The following NTN4 variants were observed in gnomAD, a reference collection of about 807,000 sequenced individuals.
The protein encoded by NTN4 is netrin-4.
NTN4 carries 32 observed loss-of-function variants against 73.6 expected under a neutral mutation model. That is an observed-to-expected ratio of 0.44 (90% CI 0.33 to 0.58). The LOEUF (loss-of-function observed/expected upper bound fraction) is 0.58, where lower values mean the gene tolerates loss of function less well. NTN4 is among the 20% of genes least tolerant of loss of function. The probability of loss-of-function intolerance (pLI) is 0.04; values close to 1 mark genes in which losing one functional copy is unlikely to be tolerated. For missense variants in NTN4, 654 were observed against 798.3 expected, an observed-to-expected ratio of 0.82 and a Z score of 2.18; for synonymous variants, 258 against 287.5, an observed-to-expected ratio of 0.90 and a Z score of 1.04.
At chr12:95,671,377 G>A (rs2078228942) in intron 7 of NTN4, among the ~76,000 whole-genome samples, 4 of 152,074 alleles carry the variant, frequency 2.6e-5, no homozygotes, top group South Asian at 2.1e-4. Flanking sequence ...GTTAGGAACC[G>A]GGTCACACAG....
At chr12:95,754,128 C>T (rs948489876) in intron 2 of NTN4, among the ~76,000 whole-genome samples, 1 of 152,184 alleles carries the variant, frequency 6.6e-6, no homozygotes, top group Non-Finnish European at 1.5e-5. Context: ...CCTAGGTCCT[C>T]CCAATTCTTA....
At chr12:95,671,455 A>G (rs1367106433) in intron 7 of NTN4, among the ~76,000 whole-genome samples, 3 of 152,008 alleles carry the variant, frequency 2.0e-5, no homozygotes, top group Non-Finnish European at 4.4e-5. Context: ...CATCACTCAA[A>G]TTACCGCCTG....
Position 95,680,736 on chromosome 12 carries a change from T to G in NTN4, c.1510+1971A>C, listed in dbSNP as rs150725004. ...TTATTTACATTTCAGAGATGGGCTC[T>G]TTCTATGTTGTCCCAGAGTTCAGTG... On this transcript the variant is annotated intron_variant, in intron 7 of 9. Transcript: ENST00000343702. Among the ~76,000 whole-genome samples the G allele has an allele frequency of 2.7e-3, 412 of 152,296 alleles. 1 individual carries two copies. The highest frequency in any genetic ancestry group is 9.1e-3 in the African/African-American group (378 of 41,564).
intron 7 of NTN4, chr12:95,673,401 T>G: frequency 4.3e-6 from 1 of 231,030 alleles, no homozygotes. Context: ...GGAACCATGC[T>G]AAGCCATGAC....
intron 1 of NTN4, among the ~76,000 whole-genome samples, chr12:95,788,724 T>A (rs573232039): frequency 6.6e-6 from 1 of 152,220 alleles, no homozygotes; most frequent in Non-Finnish European, 1.5e-5. Flanking sequence ...TCCTTAGGCA[T>A]TATTTTTTAA....
In NTN4 at chr12:95,781,661, C is replaced by A. The variant is rs951292644; in HGVS notation, c.585+5278G>T. Among the ~76,000 whole-genome samples the A allele has an allele frequency of 6.6e-6, 1 of 152,182 alleles. No homozygotes were observed. The highest frequency in any genetic ancestry group is 1.5e-5 in the Non-Finnish European group (1 of 68,036). Reference sequence around the variant, plus strand: ...GCTTGATTCTCTCATCTTACCATGTCATTTCTATTTCTCCATTTGTTTATG... The same window carrying A: ...GCTTGATTCTCTCATCTTACCATGTAATTTCTATTTCTCCATTTGTTTATG... On this transcript the variant is annotated intron_variant, in intron 2 of 9. Coordinates refer to ENST00000343702, the MANE Select transcript of NTN4 (RefSeq NM_021229.4). The surrounding 1 kb of genome is among the most constrained non-coding windows in gnomAD (Gnocchi z 4.1).
chr12:95,737,332 A>G (rs2078785799), intron 3 of NTN4, among the ~76,000 whole-genome samples: 2 of 152,214 alleles, frequency 1.3e-5, no homozygotes, highest in Admixed American at 1.3e-4. Context: ...GCAGAGAAGT[A>G]AAAATTCAGA....
intron 2 of NTN4, among the ~76,000 whole-genome samples, chr12:95,752,642 C>T (rs1398965586): frequency 7.2e-4 from 96 of 133,340 alleles, no homozygotes; most frequent in African/African-American, 1.4e-3. Context: ...CAATCGTGTC[C>T]GACTGATCTC....
In NTN4 at chr12:95,737,869, G is replaced by A; in HGVS notation, c.861C>T (p.His287=). Residue 287 remains histidine (H), a synonymous_variant, in exon 3 of 10, where the codon CAC becomes CAT. Transcript: ENST00000343702. ...GGGGAGGACTTGTTTCACCTACCAT[G>A]TGGAATGTTCCTGGGGCCTTGACAG... ...FRPVKAPGTF[H]MVHGKCMCKH... 1.2e-6 allele frequency: 2 copies of A among 1,606,886 alleles called. No individual in the cohort carries two copies. The highest frequency in any genetic ancestry group is 1.1e-5 in the South Asian group (1 of 90,432).
At chr12:95,709,451 G>A (rs12824729) in intron 5 of NTN4, among the ~76,000 whole-genome samples, 27,326 of 151,920 alleles carry the variant, frequency 0.18, 2,675 homozygotes, top group Non-Finnish European at 0.23. Flanking sequence ...CCTATGAATC[G>A]GATAGATCTT....
In NTN4 at chr12:95,672,846, A is replaced by G. The variant is rs147145241; in HGVS notation, c.1511-2700T>C. On this transcript the variant is annotated intron_variant, in intron 7 of 9. Coordinates refer to ENST00000343702, the MANE Select transcript of NTN4 (RefSeq NM_021229.4). ...CCCAGATCAAGGAAGGGAAATGGGT[A>G]CTGATTGCAGCCCATGGCAACAGCC... is the stretch of plus-strand genomic sequence containing the variant. 132 of 1,380,376 alleles carry G rather than the reference A, an allele frequency of 9.6e-5. No homozygotes were observed. The East Asian group carries it at 2.5e-3, about 26-fold the overall frequency. The allele number at this position is 1,380,376 out of a possible 1,614,324, so 85.5% of individuals were successfully genotyped here.
intron 2 of NTN4, among the ~76,000 whole-genome samples, chr12:95,768,190 A>G (rs1050006495): frequency 1.6e-4 from 25 of 152,078 alleles, no homozygotes; most frequent in Non-Finnish European, 4.4e-5. Context: ...TACTTTAGGG[A>G]GCTTGCTAAA....
intron 2 of NTN4, among the ~76,000 whole-genome samples, chr12:95,755,697 GACTT>G (rs1411959851): frequency 2.6e-5 from 4 of 152,184 alleles, no homozygotes; most frequent in African/African-American, 9.6e-5. Flanking sequence ...GCACTCAAGT[GACTT>G]ACTTGTACGA....
At chr12:95,687,053 C>T (rs1592664810) in intron 5 of NTN4, among the ~76,000 whole-genome samples, 1 of 152,216 alleles carries the variant, frequency 6.6e-6, no homozygotes, top group Admixed American at 6.5e-5. Context: ...TGTGGCCTTT[C>T]CCCACCTTGT....
rs2078241432 is a variant in NTN4 at position 95,672,579 on chromosome 12, A to G, written c.1511-2433T>C. 18 of 1,522,328 alleles carry G rather than the reference A, an allele frequency of 1.2e-5. No homozygotes were observed. In the East Asian group the frequency reaches 3.2e-4, roughly 27 times the overall value. The allele number at this position is 1,522,328 out of a possible 1,614,324, so 94.3% of individuals were successfully genotyped here. ...ACTTGGCGCCTCAATGAGCGGCACT[A>G]TGGGGGTCTGACCGATCTCGGTAAA... On this transcript the variant is annotated intron_variant, in intron 7 of 9. Coordinates refer to ENST00000343702, the MANE Select transcript of NTN4 (RefSeq NM_021229.4).
At chr12:95,679,684 A>G (rs950970636) in intron 7 of NTN4, among the ~76,000 whole-genome samples, 3 of 152,186 alleles carry the variant, frequency 2.0e-5, no homozygotes, top group Non-Finnish European at 1.5e-5. Context: ...GTATGCCTAC[A>G]TCCACAGTGC....
At chr12:95,710,872 C>T (rs1293211613) in intron 4 of NTN4, among the ~76,000 whole-genome samples, 1 of 152,076 alleles carries the variant, frequency 6.6e-6, no homozygotes, top group African/African-American at 2.4e-5. Flanking sequence ...GGTGCGGTGG[C>T]ACACGCCTGT....
chr12:95,710,483 G>A lies in NTN4; in HGVS notation c.1138C>T (p.Arg380Cys), dbSNP rs766077128. The A allele has an allele frequency of 7.4e-6, 12 of 1,614,082 alleles. No homozygotes were observed. Among genetic ancestry groups the A allele is most frequent in the South Asian group, 3.3e-5 (3 of 91,076 alleles). The change falls in exon 5 of 10, where the codon CGT becomes TGT. Residue 380 changes from arginine to cysteine, a missense_variant. Transcript: ENST00000343702. ...YCQRCKPGFY[R>C]DLRRPFSAPD... ...GCTGAGAAGGGTCTCCGCAGGTCAC[G>A]ATAGAAGCCTGGCTTGCACCTCTGG... is the stretch of plus-strand genomic sequence containing the variant.
intron 5 of NTN4, among the ~76,000 whole-genome samples, chr12:95,688,637 G>A (rs953425178): frequency 5.9e-5 from 9 of 152,208 alleles, no homozygotes; most frequent in African/African-American, 2.2e-4. Flanking sequence ...AATTAGGAGG[G>A]CTAGATGAAA....
Sources: allele counts gnomAD v4.1 joint callset (sites outside exome capture counted in the v4.1 genomes callset), GRCh38; gene constraint gnomAD v4.1.1; non-coding constraint Gnocchi (gnomAD v3.1); transcripts MANE v1.5; gene names NCBI Gene and HGNC (gene_info 2026-07-23, HGNC 2026-07-21).